Variants in ANKHD1 observed in about 807,000 individuals in gnomAD.
ANKHD1 encodes ankyrin repeat and KH domain containing 1, also known as ankyrin repeat and KH domain-containing protein 1.
In ANKHD1, 31 loss-of-function variants were observed where a neutral mutation model predicts 230.5. The observed-to-expected ratio is 0.13, with a 90% CI of 0.10 to 0.18. ANKHD1 has a LOEUF of 0.18. ANKHD1 is among the 10% of genes least tolerant of loss of function. ANKHD1 has a pLI of 1.00. For synonymous variants in ANKHD1, 1,074 were observed against 1,117.6 expected (o/e 0.96, Z 0.78); for missense variants, 2,256 against 3,071.3 (o/e 0.73, Z 6.27).
chr5:140,430,671 T>C (rs1383548727), intron 1 of ANKHD1, among the ~76,000 whole-genome samples: 1 of 111,106 alleles, frequency 9.0e-6, no homozygotes, highest in Non-Finnish European at 2.0e-5. Context: ...TTTTTTTTTT[T>C]GACAGAGTCT....
intron 10 of ANKHD1, among the ~76,000 whole-genome samples, chr5:140,466,944 A>T (rs1000999207): frequency 7.9e-5 from 12 of 152,160 alleles, no homozygotes; most frequent in Non-Finnish European, 1.6e-4. Context: ...GGGAGAAAAA[A>T]AAAAAAGGCT....
At chr5:140,427,573 A>T (rs1372945505) in intron 1 of ANKHD1, among the ~76,000 whole-genome samples, 2 of 134,536 alleles carry the variant, frequency 1.5e-5, no homozygotes, top group Non-Finnish European at 3.2e-5. Flanking sequence ...TCCCTTGCGG[A>T]CGGGGCGGCT....
At chr5:140,428,468 C>A (rs1303332475) in intron 1 of ANKHD1, among the ~76,000 whole-genome samples, 1 of 152,242 alleles carries the variant, frequency 6.6e-6, no homozygotes, top group Non-Finnish European at 1.5e-5. Context: ...ACCCTGCCTC[C>A]ACCAAAAAAA....
chr5:140,467,834 C>T (rs896108312), intron 10 of ANKHD1, among the ~76,000 whole-genome samples: 2 of 152,138 alleles, frequency 1.3e-5, no homozygotes, highest in East Asian at 3.9e-4. Flanking sequence ...GAAAAAGTGA[C>T]TGGTAATTCT....
chr5:140,449,156 T>A (rs1054913651), intron 6 of ANKHD1, 55 bp from the exon 7 acceptor site: 25 of 1,515,680 alleles, frequency 1.6e-5, no homozygotes, highest in Non-Finnish European at 2.1e-5. Flanking sequence ...TACCTCAATA[T>A]TTAAATATTA....
chr5:140,525,562 G>C (rs1254367173), intron 25 of ANKHD1, among the ~76,000 whole-genome samples: 1 of 152,144 alleles, frequency 6.6e-6, no homozygotes, highest in Non-Finnish European at 1.5e-5. Flanking sequence ...CACTGCACCT[G>C]GCCACAGTAA....
intron 6 of ANKHD1, among the ~76,000 whole-genome samples, chr5:140,448,650 T>A (rs952583835): frequency 1.3e-5 from 2 of 152,208 alleles, no homozygotes; most frequent in Non-Finnish European, 2.9e-5. Context: ...TAATATTGTT[T>A]TCATCAGTTT....
At chr5:140,492,429 A>G (rs1263299927) in intron 14 of ANKHD1, among the ~76,000 whole-genome samples, 1 of 152,188 alleles carries the variant, frequency 6.6e-6, no homozygotes, top group Non-Finnish European at 1.5e-5. Context: ...TTAGACATAA[A>G]GGAAAAATAA....
intron 3 of ANKHD1, 145 bp downstream of exon 3, chr5:140,438,762 A>C (rs769124621): frequency 6.2e-5 from 70 of 1,135,298 alleles, no homozygotes; most frequent in Non-Finnish European, 8.1e-5. Context: ...ATATAAATGT[A>C]TATGTATTAT....
intron 1 of ANKHD1, among the ~76,000 whole-genome samples, chr5:140,435,597 T>G (rs573503197): frequency 6.6e-6 from 1 of 152,238 alleles, no homozygotes; most frequent in South Asian, 2.1e-4. Flanking sequence ...CAGGATGGTC[T>G]CAAACTCTTG....
At chr5:140,421,376 C>T (rs1220163598) in intron 1 of ANKHD1, among the ~76,000 whole-genome samples, 2 of 145,810 alleles carry the variant, frequency 1.4e-5, no homozygotes, top group Non-Finnish European at 3.0e-5. Flanking sequence ...TCTCGGCTCA[C>T]TGCAACCTCT....
intron 7 of ANKHD1, among the ~76,000 whole-genome samples, chr5:140,451,173 CA>C (rs1774707433): frequency 3.3e-5 from 5 of 151,816 alleles, no homozygotes; most frequent in Non-Finnish European, 1.5e-5. Flanking sequence ...CAAAACAAAA[CA>C]AAACAAAAAA....
At chr5:140,477,896 C>T (rs1751055007) in intron 10 of ANKHD1, among the ~76,000 whole-genome samples, 1 of 152,136 alleles carries the variant, frequency 6.6e-6, no homozygotes. Context: ...AGGCATGAGC[C>T]GCCGCGCCAA....
chr5:140,520,411 C>G (rs1414438735), intron 24 of ANKHD1, among the ~76,000 whole-genome samples: 1 of 152,110 alleles, frequency 6.6e-6, no homozygotes, highest in Non-Finnish European at 1.5e-5. Flanking sequence ...CCATTTGACC[C>G]AGCCATCCTA....
At chr5:140,479,776 A>G (rs1751180264) in intron 10 of ANKHD1, among the ~76,000 whole-genome samples, 1 of 149,748 alleles carries the variant, frequency 6.7e-6, no homozygotes, top group Non-Finnish European at 1.5e-5. Context: ...GTATATGCGT[A>G]TATATGTGTG....
At chr5:140,460,567 C>T (rs1291512732) in intron 9 of ANKHD1, among the ~76,000 whole-genome samples, 1 of 152,080 alleles carries the variant, frequency 6.6e-6, no homozygotes, top group East Asian at 1.9e-4. Context: ...GTCATTCAGG[C>T]TGGAGTGTAG....
At chr5:140,406,866 C>T (rs911888230) in intron 1 of ANKHD1, among the ~76,000 whole-genome samples, 1 of 152,078 alleles carries the variant, frequency 6.6e-6, no homozygotes, top group African/African-American at 2.4e-5. Context: ...GGGTAAATAC[C>T]TGCTTCGTAT....
chr5:140,417,811 C>G (rs892450956), intron 1 of ANKHD1, among the ~76,000 whole-genome samples: 7 of 144,496 alleles, frequency 4.8e-5, no homozygotes, highest in African/African-American at 1.8e-4. Context: ...AAGAATAGTA[C>G]AAGGAACTTT....
Position 140,438,502 on chromosome 5 carries a change from G to A in ANKHD1, c.502G>A (p.Asp168Asn). Reference protein sequence around the residue: ...LSTADGKAFADPEVLRRLTSS... With the variant: ...LSTADGKAFANPEVLRRLTSS... ...AACTGCTGATGGTAAAGCTTTTGCAGATCCTGAGGTACTCCGGAGACTGAC... is the reference window on the plus strand; with the variant it reads ...AACTGCTGATGGTAAAGCTTTTGCAAATCCTGAGGTACTCCGGAGACTGAC... The change falls in exon 3 of 34, where the codon GAT (aspartate) becomes AAT (asparagine). Residue 168 changes from aspartate (D) to asparagine (N), a missense_variant. Asp to Asn is a conservative substitution (Grantham distance 23). Coordinates refer to ENST00000360839, the MANE Select transcript of ANKHD1 (RefSeq NM_017747.3). The A allele has an allele frequency of 6.2e-7, 1 of 1,612,780 alleles. No individual in the cohort carries two copies. The highest frequency in any genetic ancestry group is 8.5e-7 in the Non-Finnish European group (1 of 1,179,196).
Sources: gnomAD v4.1 joint callset for allele counts (sites outside exome capture counted in the v4.1 genomes callset) on GRCh38, gnomAD v4.1.1 for gene constraint, MANE v1.5 for transcripts, NCBI Gene and HGNC (gene_info 2026-07-23, HGNC 2026-07-21) for gene names.